ADGRL3: variants seen among roughly 807,000 people sequenced by gnomAD.
ADGRL3 encodes the protein adhesion G protein-coupled receptor L3.
A neutral mutation model predicts 153.5 loss-of-function variants in ADGRL3; 62 were observed. That is an observed-to-expected ratio of 0.40 (90% CI 0.33 to 0.50). The LOEUF (loss-of-function observed/expected upper bound fraction) is 0.50. Among genes scored for constraint, ADGRL3 ranks in the 20% least tolerant of loss-of-function variants. The probability of loss-of-function intolerance (pLI) is 0.47; values close to 1 mark genes in which losing one functional copy is unlikely to be tolerated. For missense variants in ADGRL3, 1,641 were observed against 1,859.4 expected, an observed-to-expected ratio of 0.88 and a Z score of 2.16; for synonymous variants, 710 against 672.5, an observed-to-expected ratio of 1.06 and a Z score of -0.86.
intron 1 of ADGRL3, among the ~76,000 whole-genome samples, chr4:61,298,670 A>G (rs1490687337): frequency 1.3e-5 from 2 of 152,202 alleles, no homozygotes; most frequent in Non-Finnish European, 2.9e-5. Flanking sequence ...ATTAAAAATA[A>G]TAATAAAATA....
At chr4:61,376,452 G>A (rs2096603981) in intron 1 of ADGRL3, among the ~76,000 whole-genome samples, 1 of 152,004 alleles carries the variant, frequency 6.6e-6, no homozygotes, top group African/African-American at 2.4e-5. Context: ...GAAAGGAGCA[G>A]GCGTTGCTGA....
chr4:61,823,315 T>C (rs2097772317), intron 9 of ADGRL3, among the ~76,000 whole-genome samples: 1 of 152,234 alleles, frequency 6.6e-6, no homozygotes, highest in Non-Finnish European at 1.5e-5. Flanking sequence ...GAGGTATTGC[T>C]AGTCAGTAAT....
At chr4:61,649,251 A>G (rs1409026660) in intron 5 of ADGRL3, among the ~76,000 whole-genome samples, 2 of 152,202 alleles carry the variant, frequency 1.3e-5, no homozygotes, top group East Asian at 3.9e-4. Context: ...AAGTTTATAA[A>G]TTTTTAAGAT....
At chr4:61,565,329 A>G (rs190459527) in intron 4 of ADGRL3, among the ~76,000 whole-genome samples, 1 of 152,276 alleles carries the variant, frequency 6.6e-6, no homozygotes, top group East Asian at 1.9e-4. Flanking sequence ...TATATTATTA[A>G]TGAGATGACC....
chr4:61,385,059 T>C (rs1578566419), intron 2 of ADGRL3, among the ~76,000 whole-genome samples: 1 of 152,136 alleles, frequency 6.6e-6, no homozygotes, highest in East Asian at 1.9e-4. Flanking sequence ...AAATTTATGG[T>C]ATATGAATTA....
intron 8 of ADGRL3, among the ~76,000 whole-genome samples, chr4:61,750,333 G>A (rs2096738201): frequency 6.6e-6 from 1 of 152,124 alleles, no homozygotes; most frequent in Non-Finnish European, 1.5e-5. Context: ...TTGAGCATCA[G>A]GGAGTTTTAA....
chr4:61,792,980 CAA>C (rs578014832), intron 8 of ADGRL3, among the ~76,000 whole-genome samples: 26 of 130,682 alleles, frequency 2.0e-4, no homozygotes, highest in African/African-American at 3.4e-4. Context: ...GGCAATTTAC[CAA>C]AAAAAAAAAA....
At chr4:61,418,405 G>A (rs765390462) in intron 2 of ADGRL3, among the ~76,000 whole-genome samples, 3 of 151,264 alleles carry the variant, frequency 2.0e-5, no homozygotes, top group East Asian at 2.1e-4. Flanking sequence ...ATTTCAGGCC[G>A]TGAACATCGG....
chr4:61,868,753 C>A (rs1253898732), intron 9 of ADGRL3, among the ~76,000 whole-genome samples: 1 of 152,140 alleles, frequency 6.6e-6, no homozygotes, highest in African/African-American at 2.4e-5. Flanking sequence ...AAGTCCTTGG[C>A]AAGGCATTTC....
chr4:61,904,878 C>T (rs909401453), intron 11 of ADGRL3, among the ~76,000 whole-genome samples: 6 of 151,962 alleles, frequency 3.9e-5, no homozygotes, highest in African/African-American at 9.7e-5. Flanking sequence ...CTTTTGTCAC[C>T]GTGGTACATT....
At chr4:61,988,414 A>C (rs1166778816) in intron 19 of ADGRL3, among the ~76,000 whole-genome samples, 2 of 152,044 alleles carry the variant, frequency 1.3e-5, no homozygotes, top group East Asian at 3.9e-4. Flanking sequence ...TCTCTTTCTT[A>C]TATCTTTTTA....
intron 4 of ADGRL3, among the ~76,000 whole-genome samples, chr4:61,582,367 T>C (rs1371074783): frequency 6.6e-6 from 1 of 151,934 alleles, no homozygotes; most frequent in African/African-American, 2.4e-5. Flanking sequence ...GGCCCCAGTA[T>C]GTGTTGTTCC....
chr4:61,579,344 A>C (rs1318170827), intron 4 of ADGRL3, among the ~76,000 whole-genome samples: 2 of 152,078 alleles, frequency 1.3e-5, no homozygotes, highest in African/African-American at 4.8e-5. Context: ...CATGTTAAAC[A>C]GCCAGTTTGG....
chr4:61,843,694 T>C (rs895755390), intron 9 of ADGRL3, among the ~76,000 whole-genome samples: 1 of 152,200 alleles, frequency 6.6e-6, no homozygotes, highest in Admixed American at 6.5e-5. Context: ...AATCCTATTA[T>C]AATTTGCCTA....
chr4:61,243,018 G>A (rs1477640378), intron 1 of ADGRL3, among the ~76,000 whole-genome samples: 1 of 152,058 alleles, frequency 6.6e-6, no homozygotes, highest in Non-Finnish European at 1.5e-5. Flanking sequence ...TCTACAAACA[G>A]CCATGGGGAC....
intron 1 of ADGRL3, among the ~76,000 whole-genome samples, chr4:61,279,525 T>TA (rs1239958513): frequency 6.6e-6 from 1 of 152,148 alleles, no homozygotes; most frequent in African/African-American, 2.4e-5. Context: ...AGCTCAGACC[T>TA]AAAAAATTAC....
chr4:62,055,472 GT>G (rs1259568075), intron 25 of ADGRL3, among the ~76,000 whole-genome samples: 1 of 151,712 alleles, frequency 6.6e-6, no homozygotes, highest in Admixed American at 6.6e-5. Flanking sequence ...AGTGCACAGT[GT>G]GATAAATCAA....
rs141499637 is a variant in ADGRL3 at position 61,783,618 on chromosome 4, C to A, written c.1400-30191C>A. Reference sequence around the variant, plus strand: ...ACATTTGGTGAATATTTATGATATGCAAAATACTTTACTGAAAGCTGTGGG... The same window carrying A: ...ACATTTGGTGAATATTTATGATATGAAAAATACTTTACTGAAAGCTGTGGG... On this transcript the variant is annotated intron_variant, in intron 8 of 26. Coordinates refer to ENST00000683033, the MANE Select transcript of ADGRL3 (RefSeq NM_001387552.1). Among the ~76,000 whole-genome samples the A allele has an allele frequency of 5.8e-3, 886 of 151,994 alleles. 5 individuals are homozygous for A. Among genetic ancestry groups the A allele is most frequent in the African/African-American group, 0.02 (845 of 41,476 alleles).
intron 6 of ADGRL3, among the ~76,000 whole-genome samples, chr4:61,720,280 G>C (rs1476834623): frequency 6.6e-6 from 1 of 151,810 alleles, no homozygotes; most frequent in Non-Finnish European, 1.5e-5. Context: ...AGTAGAGATG[G>C]GGTTTCACCA....
Sources: allele counts gnomAD v4.1 joint callset (sites outside exome capture counted in the v4.1 genomes callset), GRCh38; gene constraint gnomAD v4.1.1; transcripts MANE v1.5; gene names NCBI Gene and HGNC (gene_info 2026-07-23, HGNC 2026-07-21).